ZNF503: variants seen among roughly 807,000 people sequenced by gnomAD.
The protein encoded by ZNF503 is NocA-like zinc finger 2.
Under a neutral mutation model 34.4 loss-of-function variants are expected in ZNF503, and 15 were observed. The observed-to-expected ratio is 0.44, with a 90% CI of 0.29 to 0.67. The LOEUF is 0.67. Ranked by LOEUF, ZNF503 falls within the 30% of genes least tolerant of loss-of-function variation. The probability of loss-of-function intolerance (pLI) is 0.13; values close to 1 mark genes in which losing one functional copy is unlikely to be tolerated. For missense variants in ZNF503, 1,007 were observed against 926.8 expected (o/e 1.09, Z -1.12); for synonymous variants, 580 against 456.8 (o/e 1.27, Z -3.44).
At chr10:75,319,080 T>C in the ZNF503 span, among the ~76,000 whole-genome samples, 1 of 152,074 alleles carries the variant, frequency 6.6e-6, no homozygotes, top group East Asian at 1.9e-4. Flanking sequence ...CCACCTCACC[T>C]TCCTGAGTAG....
chr10:75,383,195 T>C, the ZNF503 span, among the ~76,000 whole-genome samples: 3 of 152,256 alleles, frequency 2.0e-5, no homozygotes, highest in Admixed American at 6.5e-5. Context: ...CCTCATGATT[T>C]TTCTCAAACG....
chr10:75,357,577 A>G, the ZNF503 span, among the ~76,000 whole-genome samples: 1 of 152,326 alleles, frequency 6.6e-6, no homozygotes, highest in Admixed American at 6.5e-5. Flanking sequence ...TCTGGACTCC[A>G]AGCATTTTAT....
At chr10:75,360,711 A>C in the ZNF503 span, 1 of 152,280 alleles carries the variant, frequency 6.6e-6, no homozygotes, top group Non-Finnish European at 1.5e-5. Context: ...AGAAGAACCC[A>C]ACAAGTAACT....
chr10:75,331,509 C>T, the ZNF503 span, among the ~76,000 whole-genome samples: 1 of 152,136 alleles, frequency 6.6e-6, no homozygotes, highest in Non-Finnish European at 1.5e-5. Flanking sequence ...AATGCAGTAC[C>T]ATGATCATAG....
chr10:75,303,184 G>A, the ZNF503 span, among the ~76,000 whole-genome samples: 1 of 152,180 alleles, frequency 6.6e-6, no homozygotes, highest in African/African-American at 2.4e-5. Flanking sequence ...GTCTAAACAG[G>A]CTTGGGCAAT....
chr10:75,396,290 C>A (rs1843696036), downstream of ZNF503, among the ~76,000 whole-genome samples: 1 of 152,084 alleles, frequency 6.6e-6, no homozygotes, highest in Admixed American at 6.5e-5. The surrounding 1 kb of genome is among the most constrained non-coding windows in gnomAD (Gnocchi z 4.4). Context: ...GGCCAGGGGT[C>A]CTCCTCGGCG....
the ZNF503 span, among the ~76,000 whole-genome samples, chr10:75,324,222 A>T: frequency 6.6e-6 from 1 of 151,968 alleles, no homozygotes; most frequent in South Asian, 2.1e-4. Flanking sequence ...TTTTTGGATC[A>T]TGCTTAGGGT....
At chr10:75,298,843 T>C in the ZNF503 span, 1 of 151,774 alleles carries the variant, frequency 6.6e-6, no homozygotes, top group Non-Finnish European at 1.5e-5. Flanking sequence ...AGGCTGGTCT[T>C]GAACTCCTGG....
At chr10:75,311,563 A>C in the ZNF503 span, among the ~76,000 whole-genome samples, 13 of 151,232 alleles carry the variant, frequency 8.6e-5, no homozygotes, top group Non-Finnish European at 1.6e-4. Context: ...GGCTGGGCAC[A>C]GTGTAATCCC....
At chr10:75,380,316 A>G in the ZNF503 span, among the ~76,000 whole-genome samples, 1 of 152,202 alleles carries the variant, frequency 6.6e-6, no homozygotes, top group Non-Finnish European at 1.5e-5. Flanking sequence ...TGGGACCATT[A>G]TTCTCATCCT....
the ZNF503 span, among the ~76,000 whole-genome samples, chr10:75,291,430 G>T: frequency 4.9e-3 from 740 of 152,126 alleles, 10 homozygotes; most frequent in African/African-American, 0.016. Flanking sequence ...TGGCCAACAT[G>T]GTGAAACCCC....
chr10:75,328,433 T>C, the ZNF503 span, among the ~76,000 whole-genome samples: 1,135 of 152,280 alleles, frequency 7.5e-3, 13 homozygotes, highest in African/African-American at 0.026. Context: ...GGGTTCTTAT[T>C]CTGTTCCATT....
At chr10:75,328,867 C>T in the ZNF503 span, among the ~76,000 whole-genome samples, 1 of 151,780 alleles carries the variant, frequency 6.6e-6, no homozygotes, top group South Asian at 2.1e-4. Context: ...CTGCCTCAGC[C>T]TCCTGAGTAC....
the ZNF503 span, among the ~76,000 whole-genome samples, chr10:75,364,874 G>A: frequency 6.6e-5 from 10 of 152,336 alleles, 1 homozygote; most frequent in South Asian, 2.1e-3. Context: ...TGGCAAAGAG[G>A]CATCCTTTGT....
In ZNF503 at chr10:75,399,669, A is replaced by ACACGGGAGC; in HGVS notation, c.1012_1020dup (p.Ala338_Val340dup). 7.5e-6 allele frequency: 12 copies of ACACGGGAGC among 1,599,730 alleles called. No individual in the cohort carries two copies. Among genetic ancestry groups the ACACGGGAGC allele is most frequent in the Non-Finnish European group, 1.0e-5 (12 of 1,179,530 alleles). On this transcript the variant is annotated inframe_insertion, in exon 2 of 2. Coordinates refer to ENST00000372524, the MANE Select transcript of ZNF503 (RefSeq NM_032772.6). ...ACTGTCTGGCCCGGCTTGTAGGGTG[A>ACACGGGAGC]CACGGGAGCCACCAGCCCAGAGCCC...
At chr10:75,383,560 C>T in the ZNF503 span, among the ~76,000 whole-genome samples, 1 of 152,206 alleles carries the variant, frequency 6.6e-6, no homozygotes, top group Non-Finnish European at 1.5e-5. Flanking sequence ...TACCCTCACC[C>T]AGGCAATCTT....
the ZNF503 span, among the ~76,000 whole-genome samples, chr10:75,383,688 T>C: frequency 1.3e-5 from 2 of 152,230 alleles, no homozygotes; most frequent in Non-Finnish European, 2.9e-5. Flanking sequence ...GGTGCTCAGA[T>C]ACTTCTTACT....
chr10:75,327,461 T>C, the ZNF503 span, among the ~76,000 whole-genome samples: 3 of 152,242 alleles, frequency 2.0e-5, no homozygotes, highest in African/African-American at 4.8e-5. Flanking sequence ...TAGTATTCCA[T>C]TATGTAGATG....
chr10:75,289,300 C>A, the ZNF503 span, among the ~76,000 whole-genome samples: 18 of 152,246 alleles, frequency 1.2e-4, no homozygotes, highest in South Asian at 2.1e-4. Context: ...CCAGTCCCAG[C>A]CCTAGATTTG....
Sources: allele counts gnomAD v4.1 joint callset (sites outside exome capture counted in the v4.1 genomes callset), GRCh38; gene constraint gnomAD v4.1.1; non-coding constraint Gnocchi (gnomAD v3.1); transcripts MANE v1.5; gene names NCBI Gene and HGNC (gene_info 2026-07-23, HGNC 2026-07-21).